The following CCDC102B variants were observed in gnomAD, a reference collection of about 807,000 sequenced individuals.
The protein encoded by CCDC102B is coiled-coil domain-containing protein 102B.
In CCDC102B, 75 loss-of-function variants were observed where a neutral mutation model predicts 57.4. The observed-to-expected ratio is 1.31, with a 90% CI of 1.08 to 1.58. CCDC102B has a LOEUF of 1.58. CCDC102B is among the 40% of genes most tolerant of loss of function. The pLI is 0.00. For missense variants in CCDC102B, 636 were observed against 582.6 expected (o/e 1.09, Z -0.94); for synonymous variants, 206 against 201.9 (o/e 1.02, Z -0.17).
At chr18:68,746,526 G>A (rs1393323308) in intron 2 of CCDC102B, among the ~76,000 whole-genome samples, 1 of 152,076 alleles carries the variant, frequency 6.6e-6, no homozygotes, top group Non-Finnish European at 1.5e-5. Context: ...TTCCTGAACA[G>A]CGAAATGATG....
chr18:68,830,870 G>A (rs530487569), intron 1 of CCDC102B, among the ~76,000 whole-genome samples: 4 of 151,882 alleles, frequency 2.6e-5, no homozygotes, highest in African/African-American at 4.8e-5. Flanking sequence ...CTTGGCAGGC[G>A]AAGCACCATA....
At chr18:68,790,403 GC>G (rs1335166985) in intron 2 of CCDC102B, among the ~76,000 whole-genome samples, 7 of 152,078 alleles carry the variant, frequency 4.6e-5, no homozygotes, top group Admixed American at 3.3e-4. Context: ...GCAAGCCTGG[GC>G]AATGGCGGGC....
intron 2 of CCDC102B, among the ~76,000 whole-genome samples, chr18:68,780,291 C>T (rs1241308913): frequency 2.6e-5 from 4 of 151,956 alleles, no homozygotes; most frequent in Non-Finnish European, 5.9e-5. Context: ...ACTTTTTGGC[C>T]ATTATGCATA....
At chr18:68,768,199 T>C (rs1456682282) in intron 2 of CCDC102B, among the ~76,000 whole-genome samples, 1 of 152,188 alleles carries the variant, frequency 6.6e-6, no homozygotes, top group Non-Finnish European at 1.5e-5. Context: ...ATAATAGGAA[T>C]TATTAAACCA....
chr18:68,828,342 A>AAAAG, intron 1 of CCDC102B, among the ~76,000 whole-genome samples: 1 of 150,602 alleles, frequency 6.6e-6, no homozygotes, highest in Non-Finnish European at 1.5e-5. Flanking sequence ...AAAAAAAAAA[A>AAAAG]AAAAACCTTC....
chr18:68,767,077 G>C (rs1308658801), intron 2 of CCDC102B, among the ~76,000 whole-genome samples: 1 of 152,172 alleles, frequency 6.6e-6, no homozygotes, highest in African/African-American at 2.4e-5. Flanking sequence ...TTTGAAGGTA[G>C]TATTTTCTCT....
intron 4 of CCDC102B, among the ~76,000 whole-genome samples, chr18:68,860,468 AC>A (rs1346209004): frequency 5.4e-4 from 43 of 79,506 alleles, no homozygotes; most frequent in South Asian, 1.8e-3. Flanking sequence ...AAAAACAAAA[AC>A]AAAAACAAAA....
At chr18:68,855,837 T>A (rs2038360246) in intron 4 of CCDC102B, among the ~76,000 whole-genome samples, 1 of 152,148 alleles carries the variant, frequency 6.6e-6, no homozygotes, top group Non-Finnish European at 1.5e-5. Flanking sequence ...ATAGCTTATT[T>A]AAAAATAAAT....
chr18:68,967,173 C>T (rs990696538), intron 6 of CCDC102B, among the ~76,000 whole-genome samples: 2 of 226 alleles, frequency 8.8e-3, no homozygotes, highest in African/African-American at 0.04. Flanking sequence ...TGTAGAACAC[C>T]CCTCTTCCCC....
intron 4 of CCDC102B, among the ~76,000 whole-genome samples, chr18:68,862,701 G>T (rs1473684713): frequency 6.6e-6 from 1 of 152,084 alleles, no homozygotes; most frequent in Non-Finnish European, 1.5e-5. Flanking sequence ...AATAGATCTT[G>T]CTCTTTAAGA....
At chr18:68,843,793 A>G (rs1047281955) in intron 3 of CCDC102B, among the ~76,000 whole-genome samples, 4 of 151,964 alleles carry the variant, frequency 2.6e-5, no homozygotes, top group Non-Finnish European at 5.9e-5. Flanking sequence ...ATACATCCCA[A>G]TTATAAATTG....
At chr18:68,790,781 A>AC (rs1174793854) in intron 2 of CCDC102B, among the ~76,000 whole-genome samples, 13 of 152,132 alleles carry the variant, frequency 8.5e-5, no homozygotes, top group African/African-American at 1.7e-4. Flanking sequence ...TGCAGAAATC[A>AC]CCGTCTTCTG....
At chr18:68,979,428 G>C (rs1969198073) in intron 6 of CCDC102B, among the ~76,000 whole-genome samples, 1 of 151,844 alleles carries the variant, frequency 6.6e-6, no homozygotes, top group Admixed American at 6.6e-5. Context: ...AAAAGCTTAA[G>C]ACAATTAGAA....
chr18:69,000,850 A>G (rs1421610195), intron 6 of CCDC102B, among the ~76,000 whole-genome samples: 2 of 152,206 alleles, frequency 1.3e-5, no homozygotes, highest in African/African-American at 2.4e-5. Flanking sequence ...TTTTTTATAT[A>G]TATAAATAGA....
Position 68,897,492 on chromosome 18 carries a change from T to C in CCDC102B, c.1263+64T>C. On this transcript the variant is annotated intron_variant, in intron 6 of 7. Transcript: ENST00000360242. ...CTCACTCTGATGCCTACGCAGAGTC[T>C]GTCTTCACTCGTACACGCCTCCACA... The C allele has an allele frequency of 5.1e-6, 8 of 1,553,628 alleles. No homozygotes were observed. The Admixed American group carries it at 1.3e-4, about 26-fold the overall frequency.
chr18:68,758,232 A>C (rs1048164251), intron 2 of CCDC102B, among the ~76,000 whole-genome samples: 7 of 151,674 alleles, frequency 4.6e-5, no homozygotes, highest in African/African-American at 1.2e-4. Flanking sequence ...TTACATATGT[A>C]TATATGTGTT....
chr18:68,998,727 G>A (rs1475231547), intron 6 of CCDC102B, among the ~76,000 whole-genome samples: 1 of 151,858 alleles, frequency 6.6e-6, no homozygotes, highest in Non-Finnish European at 1.5e-5. Context: ...GAGAAAGATG[G>A]AGGCCAGAAG....
intron 2 of CCDC102B, among the ~76,000 whole-genome samples, chr18:68,745,956 G>A (rs1316287801): frequency 6.6e-6 from 1 of 152,018 alleles, no homozygotes; most frequent in South Asian, 2.1e-4. Flanking sequence ...GGGATGGGGG[G>A]TACCATTTAT....
intron 6 of CCDC102B, among the ~76,000 whole-genome samples, chr18:68,918,887 G>T (rs2041171732): frequency 6.6e-6 from 1 of 152,020 alleles, no homozygotes; most frequent in South Asian, 2.1e-4. Flanking sequence ...AAAAACCAGA[G>T]AATTGATGTC....
Sources: gnomAD v4.1 joint callset for allele counts (sites outside exome capture counted in the v4.1 genomes callset) on GRCh38, gnomAD v4.1.1 for gene constraint, MANE v1.5 for transcripts, NCBI Gene and HGNC (gene_info 2026-07-23, HGNC 2026-07-21) for gene names.